Variants in SSH2 observed in about 807,000 individuals in gnomAD.
SSH2 encodes slingshot protein phosphatase 2.
A neutral mutation model predicts 135.2 loss-of-function variants in SSH2; 37 were observed. That is an observed-to-expected ratio of 0.27 (90% CI 0.21 to 0.36). SSH2 has a LOEUF of 0.36. Among genes scored for constraint, SSH2 ranks in the 10% least tolerant of loss-of-function variants. The probability of loss-of-function intolerance (pLI) is 1.00; values close to 1 mark genes in which losing one functional copy is unlikely to be tolerated. For missense variants in SSH2, 1,408 were observed against 1,765.3 expected (o/e 0.80, Z 3.63); for synonymous variants, 628 against 646.2 (o/e 0.97, Z 0.43).
intron 8 of SSH2, among the ~76,000 whole-genome samples, chr17:29,673,351 C>T (rs1398787582): frequency 1.3e-5 from 2 of 152,028 alleles, no homozygotes; most frequent in African/African-American, 4.8e-5. Flanking sequence ...GGGTGGATCA[C>T]TTGAGGTCAG....
At chr17:29,755,272 T>C (rs1443083480) in intron 3 of SSH2, among the ~76,000 whole-genome samples, 1 of 152,206 alleles carries the variant, frequency 6.6e-6, no homozygotes, top group Non-Finnish European at 1.5e-5. Context: ...ACCAAATGAT[T>C]CTCTGAGTTG....
At chr17:29,696,178 C>T (rs886336646) in intron 4 of SSH2, among the ~76,000 whole-genome samples, 1,089 of 101,318 alleles carry the variant, frequency 0.011, 7 homozygotes, top group African/African-American at 0.034. Flanking sequence ...TATATATACA[C>T]ACACACACAC....
intron 1 of SSH2, among the ~76,000 whole-genome samples, chr17:29,891,389 G>T (rs775985011): frequency 6.6e-6 from 1 of 152,090 alleles, no homozygotes; most frequent in African/African-American, 2.4e-5. Flanking sequence ...TCTCTGCACT[G>T]TTATCTAGAC....
chr17:29,736,551 G>C (rs1320483370), intron 3 of SSH2, among the ~76,000 whole-genome samples: 1 of 152,134 alleles, frequency 6.6e-6, no homozygotes, highest in African/African-American at 2.4e-5. Flanking sequence ...ACTTTGGGAG[G>C]CCAAGGCGGG....
chr17:29,761,270 A>G (rs920757721), intron 3 of SSH2: 2 of 1,288,470 alleles, frequency 1.6e-6, no homozygotes, highest in Middle Eastern at 2.2e-4. Flanking sequence ...CAACGTGCTC[A>G]GGGTCATGGG....
intron 3 of SSH2, among the ~76,000 whole-genome samples, chr17:29,725,346 C>CTAAAAA: frequency 4.8e-4 from 1 of 2,080 alleles, no homozygotes; most frequent in South Asian, 0.016. Context: ...GAATCAGTCT[C>CTAAAAA]CAAAAAAAAA....
intron 3 of SSH2, among the ~76,000 whole-genome samples, chr17:29,718,944 G>T (rs2039723429): frequency 6.6e-6 from 1 of 152,144 alleles, no homozygotes; most frequent in Non-Finnish European, 1.5e-5. Context: ...GGAGAACAAG[G>T]TAGCAGAACA....
chr17:29,673,712 T>C (rs1217041441), intron 8 of SSH2, among the ~76,000 whole-genome samples: 4 of 152,216 alleles, frequency 2.6e-5, no homozygotes, highest in Non-Finnish European at 5.9e-5. Flanking sequence ...GATTTTAGCG[T>C]AGATCTTTCC....
intron 4 of SSH2, among the ~76,000 whole-genome samples, chr17:29,696,474 C>T (rs1398514161): frequency 6.9e-6 from 1 of 145,718 alleles, no homozygotes; most frequent in Non-Finnish European, 1.5e-5. Context: ...TCAGTCACTA[C>T]ACTCCAGTGT....
intron 1 of SSH2, among the ~76,000 whole-genome samples, chr17:29,853,997 G>A (rs957122859): frequency 5.9e-5 from 9 of 151,548 alleles, no homozygotes; most frequent in African/African-American, 1.7e-4. Flanking sequence ...TTCTGATGTT[G>A]CCACTATTAC....
At chr17:29,695,559 C>T (rs1170068990) in intron 4 of SSH2, 36 bp from the exon 5 acceptor site, 1 of 1,574,076 alleles carries the variant, frequency 6.4e-7, no homozygotes, top group South Asian at 1.1e-5. Context: ...TAATTATTCT[C>T]CATTCTAATG....
At chr17:29,661,020 C>T (rs974526640) in intron 11 of SSH2, among the ~76,000 whole-genome samples, 5 of 139,092 alleles carry the variant, frequency 3.6e-5, no homozygotes, top group Admixed American at 7.6e-5. Flanking sequence ...GAGATAGCAC[C>T]ATTGCACTCC....
At chr17:29,914,023 TG>T (rs934757499) in intron 1 of SSH2, among the ~76,000 whole-genome samples, 2 of 152,182 alleles carry the variant, frequency 1.3e-5, no homozygotes, top group Non-Finnish European at 2.9e-5. Context: ...GGTTGTCATT[TG>T]GTAGTCTCAG....
At chr17:29,689,068 G>A (rs761094262) in intron 5 of SSH2, among the ~76,000 whole-genome samples, 21 of 151,848 alleles carry the variant, frequency 1.4e-4, no homozygotes, top group Non-Finnish European at 2.4e-4. Context: ...TGAGGCAGGA[G>A]AATTGCTGGA....
intron 8 of SSH2, among the ~76,000 whole-genome samples, chr17:29,675,363 C>G (rs1210940240): frequency 2.0e-5 from 3 of 152,124 alleles, no homozygotes; most frequent in Non-Finnish European, 2.9e-5. Context: ...CCATTCCGCT[C>G]CCCATGGGGA....
At chr17:29,745,147 ATTTTC>A (rs2040716186) in intron 3 of SSH2, among the ~76,000 whole-genome samples, 1 of 150,746 alleles carries the variant, frequency 6.6e-6, no homozygotes, top group Non-Finnish European at 1.5e-5. Context: ...GCTCAAAGTA[ATTTTC>A]TTTTCGTTTT....
At chr17:29,642,182 C>T (rs1360813023) in intron 14 of SSH2, among the ~76,000 whole-genome samples, 1 of 152,122 alleles carries the variant, frequency 6.6e-6, no homozygotes, top group African/African-American at 2.4e-5. Flanking sequence ...CCACATCTTT[C>T]CTTCTCAGGT....
intron 11 of SSH2, among the ~76,000 whole-genome samples, chr17:29,660,141 TATA>T (rs997240891): frequency 3.2e-4 from 48 of 152,274 alleles, no homozygotes; most frequent in African/African-American, 1.1e-3. Flanking sequence ...GCAGACATTT[TATA>T]ATAAGAGTTT....
At chr17:29,887,903 TA>T (rs1166143575) in intron 1 of SSH2, among the ~76,000 whole-genome samples, 1 of 152,156 alleles carries the variant, frequency 6.6e-6, no homozygotes, top group Non-Finnish European at 1.5e-5. Flanking sequence ...CAGAACACAA[TA>T]TAGTTTTTGC....
Sources: allele counts gnomAD v4.1 joint callset (sites outside exome capture counted in the v4.1 genomes callset), GRCh38; gene constraint gnomAD v4.1.1; transcripts MANE v1.5; gene names NCBI Gene and HGNC (gene_info 2026-07-23, HGNC 2026-07-21).